The following LRMDA variants were observed in gnomAD, a reference collection of about 807,000 sequenced individuals.
LRMDA encodes leucine rich melanocyte differentiation associated.
Under a neutral mutation model 29.8 loss-of-function variants are expected in LRMDA, and 18 were observed. The observed-to-expected ratio is 0.60, with a 90% CI of 0.42 to 0.90. The LOEUF (loss-of-function observed/expected upper bound fraction) is 0.90, where lower values mean the gene tolerates loss of function less well. Among genes scored for constraint, LRMDA ranks in the 40% least tolerant of loss-of-function variants. The pLI is 0.00. For synonymous variants in LRMDA, 125 were observed against 109.4 expected, an observed-to-expected ratio of 1.14 and a Z score of -0.89; for missense variants, 273 against 273.9, an observed-to-expected ratio of 1.00 and a Z score of 0.02.
At chr10:75,737,045 A>ACATG (rs1842772182) in intron 2 of LRMDA, among the ~76,000 whole-genome samples, 1 of 151,812 alleles carries the variant, frequency 6.6e-6, no homozygotes, top group African/African-American at 2.4e-5. Context: ...GTATACACAC[A>ACATG]CATGCACGCA....
intron 2 of LRMDA, among the ~76,000 whole-genome samples, chr10:75,527,245 G>A (rs1845424195): frequency 6.6e-6 from 1 of 152,188 alleles, no homozygotes; most frequent in Non-Finnish European, 1.5e-5. Flanking sequence ...TTCCACTGTA[G>A]GGATGCCACA....
intron 2 of LRMDA, among the ~76,000 whole-genome samples, chr10:75,738,341 C>G (rs1165301485): frequency 6.6e-6 from 1 of 152,146 alleles, no homozygotes; most frequent in Non-Finnish European, 1.5e-5. Flanking sequence ...GTCACATTCT[C>G]TCTCTGCCAC....
chr10:75,981,618 C>T lies in LRMDA; in HGVS notation c.132-54390C>T, dbSNP rs570768231. On this transcript the variant is annotated intron_variant, in intron 2 of 6. Transcript: ENST00000611255. ...CCTGTAATCCCAGCACTTTGGGAGG[C>T]TGAGGCGGGCAGATCACGAGGTCAA... Among the ~76,000 whole-genome samples the T allele has an allele frequency of 2.5e-3, 375 of 152,240 alleles. 2 individuals carry two copies. Among genetic ancestry groups the T allele is most frequent in the Middle Eastern group, 6.8e-3 (2 of 292 alleles).
chr10:76,395,301 C>T (rs1841770650), intron 6 of LRMDA, among the ~76,000 whole-genome samples: 1 of 152,152 alleles, frequency 6.6e-6, no homozygotes, highest in South Asian at 2.1e-4. Context: ...CTCATAATTG[C>T]CTCATTATTA....
At chr10:76,291,558 A>T (rs1185786054) in intron 5 of LRMDA, among the ~76,000 whole-genome samples, 1 of 152,190 alleles carries the variant, frequency 6.6e-6, no homozygotes, top group Non-Finnish European at 1.5e-5. Context: ...TCTTAAAAGG[A>T]GGAAAATTAG....
chr10:76,029,827 A>G (rs1424347396), intron 2 of LRMDA, among the ~76,000 whole-genome samples: 1 of 152,190 alleles, frequency 6.6e-6, no homozygotes, highest in Non-Finnish European at 1.5e-5. Context: ...GGGATTAGCC[A>G]TCATGTTGGG....
chr10:76,384,344 TAC>T (rs911636696), intron 6 of LRMDA, among the ~76,000 whole-genome samples: 37 of 152,334 alleles, frequency 2.4e-4, no homozygotes, highest in African/African-American at 8.7e-4. Flanking sequence ...GGCGAGATGT[TAC>T]AGATGTCAGA....
At position 76,553,531 on chromosome 10, in the gene LRMDA, G is replaced by A. The variant is rs143849117; in HGVS notation, c.602-3678G>A. 4.5e-3 allele frequency among the ~76,000 whole-genome samples: 684 copies of A among 152,300 alleles called. 7 individuals are homozygous for A. The highest frequency in any genetic ancestry group is 0.028 in the East Asian group (143 of 5,172). On this transcript the variant is annotated intron_variant, in intron 6 of 6. Coordinates refer to ENST00000611255, the MANE Select transcript of LRMDA (RefSeq NM_001305581.2). ...GAAGAAGGGCTGTGGGGAGGACGAG[G>A]GAGAGAGAAACACAATGCCACCTCA...
At position 76,344,230 on chromosome 10, in the gene LRMDA, T is replaced by C. The variant is rs369958568; in HGVS notation, c.601+19745T>C. On this transcript the variant is annotated intron_variant, in intron 6 of 6. Transcript: ENST00000611255. ...ATATGCAAAATCTTTAGACTTTTTA[T>C]ATTGAAATGAAAGCCTGTTAGTATT... 9.6e-4 allele frequency among the ~76,000 whole-genome samples: 146 copies of C among 152,286 alleles called. 3 individuals are homozygous for C. In the South Asian group the frequency reaches 0.03, roughly 31 times the overall value.
intron 2 of LRMDA, among the ~76,000 whole-genome samples, chr10:75,558,984 A>G (rs1278371287): frequency 6.6e-6 from 1 of 150,686 alleles, no homozygotes; most frequent in African/African-American, 2.4e-5. Context: ...TAGTGCTGCA[A>G]TAAACATACG....
chr10:75,839,262 C>G (rs1001378331), intron 2 of LRMDA, among the ~76,000 whole-genome samples: 7 of 152,212 alleles, frequency 4.6e-5, no homozygotes, highest in Non-Finnish European at 8.8e-5. Flanking sequence ...ATAGGTGCAG[C>G]ATGCTGAGAA....
intron 5 of LRMDA, among the ~76,000 whole-genome samples, chr10:76,257,962 G>A (rs922769189): frequency 2.6e-5 from 4 of 152,126 alleles, no homozygotes; most frequent in African/African-American, 7.2e-5. Flanking sequence ...TGGGAGAAAG[G>A]TTCCCTTAAC....
chr10:76,234,984 T>C (rs1427653541), intron 5 of LRMDA, among the ~76,000 whole-genome samples: 2 of 152,264 alleles, frequency 1.3e-5, no homozygotes, highest in Admixed American at 6.5e-5. Flanking sequence ...CATTCACTGT[T>C]TGGCTAATCG....
intron 2 of LRMDA, among the ~76,000 whole-genome samples, chr10:75,517,149 G>T (rs2132035252): frequency 6.6e-6 from 1 of 152,204 alleles, no homozygotes; most frequent in South Asian, 2.1e-4. Context: ...CTCCAGCTTT[G>T]TTCTTTTTGC....
chr10:75,631,068 G>C (rs920713496), intron 2 of LRMDA, among the ~76,000 whole-genome samples: 4 of 152,164 alleles, frequency 2.6e-5, no homozygotes, highest in African/African-American at 9.7e-5. Flanking sequence ...TCCTGCCCCA[G>C]AGCCAGGCCT....
In LRMDA at chr10:76,226,344, AG is replaced by A. The variant is rs1226031250; in HGVS notation, c.517-98055del. ...ATACCTGTAATCCCAGCACTTTGGG[AG>A]GCTGAAGCGGGTGGATCACCTGAGG... is the stretch of plus-strand genomic sequence containing the variant. On this transcript the variant is annotated intron_variant, in intron 5 of 6. Transcript: ENST00000611255. Among the ~76,000 whole-genome samples, 4 of 152,230 alleles carry A rather than the reference AG, an allele frequency of 2.6e-5. No homozygotes were observed. In the East Asian group the frequency reaches 7.8e-4, roughly 30 times the overall value.
At chr10:76,182,955 G>T (rs1194961532) in intron 5 of LRMDA, among the ~76,000 whole-genome samples, 2 of 152,200 alleles carry the variant, frequency 1.3e-5, no homozygotes, top group African/African-American at 4.8e-5. Context: ...GACTGGGGCA[G>T]CAAGGCTCCA....
chr10:76,463,177 G>C (rs185674543), intron 6 of LRMDA, among the ~76,000 whole-genome samples: 1 of 152,088 alleles, frequency 6.6e-6, no homozygotes, highest in East Asian at 1.9e-4. Context: ...AGGCAGTCCC[G>C]TGGAAGAGCT....
intron 2 of LRMDA, among the ~76,000 whole-genome samples, chr10:75,598,420 T>C (rs1840829770): frequency 6.6e-6 from 1 of 152,144 alleles, no homozygotes; most frequent in African/African-American, 2.4e-5. Context: ...AGCCTGGCCT[T>C]ACCTCTCTTT....
Sources: allele counts gnomAD v4.1 joint callset (sites outside exome capture counted in the v4.1 genomes callset), GRCh38; gene constraint gnomAD v4.1.1; transcripts MANE v1.5; gene names NCBI Gene and HGNC (gene_info 2026-07-23, HGNC 2026-07-21).